Variants in ADAMTSL1 observed in about 807,000 individuals in gnomAD.
ADAMTSL1 encodes the protein ADAMTS like 1.
In ADAMTSL1, 126 loss-of-function variants were observed where a neutral mutation model predicts 201.8. The ratio of observed to expected loss-of-function variants is 0.62; its 90% CI spans 0.54 to 0.72. The LOEUF (loss-of-function observed/expected upper bound fraction) is 0.72. Among genes scored for constraint, ADAMTSL1 ranks in the 30% least tolerant of loss-of-function variants. The pLI is 0.00. For missense variants in ADAMTSL1, 2,679 were observed against 2,277.8 expected, an observed-to-expected ratio of 1.18 and a Z score of -3.59; for synonymous variants, 1,121 against 903.4, an observed-to-expected ratio of 1.24 and a Z score of -4.32.
chr9:17,942,769 G>C (rs1827293545), intron 1 of ADAMTSL1, among the ~76,000 whole-genome samples: 1 of 152,110 alleles, frequency 6.6e-6, no homozygotes, highest in Admixed American at 6.6e-5. Flanking sequence ...CTGCTTTTCT[G>C]GCTGCCACTG....
rs1241934175 is a variant in ADAMTSL1, at chr9:18,635,983, T to C, written c.642T>C (p.His214=). 3 of 1,601,866 alleles carry C rather than the reference T, an allele frequency of 1.9e-6. No homozygotes were observed. The highest frequency in any genetic ancestry group is 2.5e-6 in the Non-Finnish European group (3 of 1,177,358). ...TVVAIPYGSR[H]IRLVLKGPDH... ...TTGCAATTCCCTATGGAAGTAGACA[T>C]ATTCGCCTTGTCTTAAAAGGTCCTG... The change falls in exon 6 of 29, where the codon CAT becomes CAC. Residue 214 remains histidine, a synonymous_variant. Transcript: ENST00000380548.
At chr9:18,096,670 C>T (rs1379622046) in intron 1 of ADAMTSL1, among the ~76,000 whole-genome samples, 1 of 152,148 alleles carries the variant, frequency 6.6e-6, no homozygotes, top group African/African-American at 2.4e-5. Flanking sequence ...AAAATACAGA[C>T]ATTAAGAATT....
intron 2 of ADAMTSL1, among the ~76,000 whole-genome samples, chr9:18,230,423 A>G (rs1490904056): frequency 6.6e-6 from 1 of 152,152 alleles, no homozygotes; most frequent in Non-Finnish European, 1.5e-5. Context: ...CTGAAGAGCA[A>G]TGTGAGTAAA....
chr9:18,325,110 G>A (rs1191164344), intron 2 of ADAMTSL1, among the ~76,000 whole-genome samples: 1 of 152,174 alleles, frequency 6.6e-6, no homozygotes, highest in Non-Finnish European at 1.5e-5. Context: ...CAAGAATGCA[G>A]AGCAACCAGA....
intron 14 of ADAMTSL1, among the ~76,000 whole-genome samples, chr9:18,720,794 A>G (rs1303937674): frequency 1.3e-5 from 2 of 152,130 alleles, no homozygotes; most frequent in Non-Finnish European, 2.9e-5. Flanking sequence ...TTTTAAAATA[A>G]AATAAAAATA....
chr9:18,828,154 T>C (rs1226942740), intron 22 of ADAMTSL1, among the ~76,000 whole-genome samples: 1 of 152,200 alleles, frequency 6.6e-6, no homozygotes, highest in African/African-American at 2.4e-5. Context: ...TTGCTGACAT[T>C]AAGTTCCATG....
Position 18,443,075 on chromosome 9 carries a change from G to A in ADAMTSL1, c.208-61754G>A, listed in dbSNP as rs1252792944. On this transcript the variant is annotated intron_variant, in intron 2 of 29. Coordinates refer to the ADAMTSL1 transcript ENST00000680146. Reference sequence around the variant, plus strand: ...GCCACTGACATCTGCTTAAAATGAAGGCTTTGGGGGCCTGGATATACCTCT... The same window carrying A: ...GCCACTGACATCTGCTTAAAATGAAAGCTTTGGGGGCCTGGATATACCTCT... 2.6e-5 allele frequency among the ~76,000 whole-genome samples: 4 copies of A among 152,284 alleles called. No individual in the cohort carries two copies. In the East Asian group the frequency reaches 7.7e-4, roughly 29 times the overall value.
chr9:18,815,266 C>T (rs1322411133), intron 20 of ADAMTSL1, among the ~76,000 whole-genome samples: 1 of 152,054 alleles, frequency 6.6e-6, no homozygotes, highest in East Asian at 1.9e-4. Context: ...CCAATATTTA[C>T]TGCAGCACTA....
rs192181003 is a variant in ADAMTSL1, at chr9:18,051,171, G to A, written c.88-112691G>A. The stretch of plus-strand genomic sequence containing the variant: ...AAAAAATTAGCCGGGTGTGGTGGCG[G>A]GCGCCTGTAGCCCCAGCTACTTGGG... On this transcript the variant is annotated intron_variant, in intron 1 of 29. Transcript: ENST00000680146. Among the ~76,000 whole-genome samples, 117 of 152,180 alleles carry A rather than the reference G, an allele frequency of 7.7e-4. No homozygotes were observed. The East Asian group carries it at 0.015, about 20-fold the overall frequency.
intron 2 of ADAMTSL1, among the ~76,000 whole-genome samples, chr9:18,445,406 A>G (rs999271711): frequency 5.9e-5 from 9 of 152,158 alleles, no homozygotes; most frequent in African/African-American, 1.4e-4. Context: ...GTTCACCTAC[A>G]TTCCTACATA....
At chr9:18,085,486 T>TATATATATATATACTGTGTGTGC (rs370521778) in intron 1 of ADAMTSL1, among the ~76,000 whole-genome samples, 62,486 of 144,414 alleles carry the variant, frequency 0.43, 13,817 homozygotes, top group Non-Finnish European at 0.45. Flanking sequence ...TGTGTGCATA[T>TATATATATATATACTGTGTGTGC]ATATATATAT....
At chr9:18,803,911 A>T (rs181000389) in intron 20 of ADAMTSL1, among the ~76,000 whole-genome samples, 1 of 152,182 alleles carries the variant, frequency 6.6e-6, no homozygotes, top group Non-Finnish European at 1.5e-5. Flanking sequence ...AACAAAAACA[A>T]TGTAATAATT....
chr9:18,505,005 G>A, intron 2 of ADAMTSL1, 49 bp downstream of exon 2: 3 of 1,567,058 alleles, frequency 1.9e-6, no homozygotes, highest in East Asian at 2.3e-5. Flanking sequence ...GAGGTAGCCG[G>A]TTTGAGGCAT....
At chr9:18,083,833 C>T (rs1823622532) in intron 1 of ADAMTSL1, among the ~76,000 whole-genome samples, 1 of 152,190 alleles carries the variant, frequency 6.6e-6, no homozygotes, top group Non-Finnish European at 1.5e-5. Flanking sequence ...CTTGCTCTAG[C>T]TCTAAACATT....
chr9:18,272,919 C>T lies in ADAMTSL1; in HGVS notation c.207+108938C>T, dbSNP rs530613926. On this transcript the variant is annotated intron_variant, in intron 2 of 29. Transcript: ENST00000680146. ...TTATGTACTGCCTAATGAGAGAACT[C>T]ATATTAGTATATTATTTTTAATGGG... Among the ~76,000 whole-genome samples, 4 of 152,296 alleles carry T rather than the reference C, an allele frequency of 2.6e-5. No homozygotes were observed. The South Asian group carries it at 8.3e-4, about 32-fold the overall frequency.
At chr9:18,507,920 C>T (rs1410334785) in intron 2 of ADAMTSL1, among the ~76,000 whole-genome samples, 1 of 152,142 alleles carries the variant, frequency 6.6e-6, no homozygotes, top group South Asian at 2.1e-4. Flanking sequence ...CACAGTGGCT[C>T]ACGCCTGTAA....
intron 1 of ADAMTSL1, among the ~76,000 whole-genome samples, chr9:18,094,500 G>A (rs563462211): frequency 6.6e-6 from 1 of 152,258 alleles, no homozygotes; most frequent in Admixed American, 6.5e-5. Context: ...AGAACATTTT[G>A]TGTATGGCAT....
chr9:17,908,050 T>A (rs1311555584), intron 1 of ADAMTSL1, among the ~76,000 whole-genome samples: 2 of 152,140 alleles, frequency 1.3e-5, no homozygotes, highest in African/African-American at 4.8e-5. Flanking sequence ...ATTTTAAAAT[T>A]TTGATTGCAG....
chr9:18,470,567 T>C (rs1821166387), upstream of ADAMTSL1, among the ~76,000 whole-genome samples: 1 of 152,182 alleles, frequency 6.6e-6, no homozygotes, highest in Non-Finnish European at 1.5e-5. Context: ...CTGAGTTCTT[T>C]CCAGGAGACC....
Sources: gnomAD v4.1 joint callset for allele counts (sites outside exome capture counted in the v4.1 genomes callset) on GRCh38, gnomAD v4.1.1 for gene constraint, MANE v1.5 for transcripts, NCBI Gene and HGNC (gene_info 2026-07-23, HGNC 2026-07-21) for gene names.